Variants in SLC35F4 observed in about 807,000 individuals in gnomAD.
The protein encoded by SLC35F4 is solute carrier family 35 member F4.
In SLC35F4, 24 loss-of-function variants were observed where a neutral mutation model predicts 44.2. That is an observed-to-expected ratio of 0.54 (90% CI 0.39 to 0.76). The LOEUF is 0.76. Ranked by LOEUF, SLC35F4 falls within the 30% of genes least tolerant of loss-of-function variation. SLC35F4 has a pLI of 0.00. For synonymous variants in SLC35F4, 238 were observed against 223.6 expected, an observed-to-expected ratio of 1.06 and a Z score of -0.57; for missense variants, 562 against 586.1, an observed-to-expected ratio of 0.96 and a Z score of 0.42.
rs558765628 is a variant in SLC35F4 at position 57,797,940 on chromosome 14, T to G, written c.103+67783A>C. 3.3e-5 allele frequency among the ~76,000 whole-genome samples: 5 copies of G among 152,002 alleles called. No individual in the cohort carries two copies. In the East Asian group the frequency reaches 9.7e-4, roughly 29 times the overall value. ...ACAAAGTAGAGACATAAAATGTGCT[T>G]GTGCATTTGGGTTGCTCTCCTAACC... On this transcript the variant is annotated intron_variant, in intron 1 of 7. Transcript: ENST00000556826.
At chr14:57,782,162 T>C (rs1393272115) in intron 1 of SLC35F4, among the ~76,000 whole-genome samples, 2 of 152,180 alleles carry the variant, frequency 1.3e-5, no homozygotes, top group African/African-American at 4.8e-5. Flanking sequence ...AACAGAGTAA[T>C]CTGTAAGACA....
intron 1 of SLC35F4, among the ~76,000 whole-genome samples, chr14:57,927,251 T>G (rs965272661): frequency 2.0e-5 from 3 of 152,178 alleles, no homozygotes; most frequent in Non-Finnish European, 4.4e-5. Context: ...AATGCCTGCC[T>G]TAGGGGTAAG....
intron 1 of SLC35F4, among the ~76,000 whole-genome samples, chr14:57,611,595 A>C (rs1008351715): frequency 2.6e-5 from 4 of 151,862 alleles, no homozygotes; most frequent in African/African-American, 9.7e-5. Flanking sequence ...TAAAAAAAAA[A>C]AAACAAAAAA....
chr14:57,794,956 T>G (rs1025716387), intron 1 of SLC35F4, among the ~76,000 whole-genome samples: 2 of 152,112 alleles, frequency 1.3e-5, no homozygotes, highest in East Asian at 1.9e-4. Context: ...AAGATGGGTT[T>G]TGAATTCCTG....
chr14:57,789,729 C>T (rs767177048), intron 1 of SLC35F4, among the ~76,000 whole-genome samples: 2 of 152,082 alleles, frequency 1.3e-5, no homozygotes, highest in Non-Finnish European at 2.9e-5. Flanking sequence ...TGATGAATAT[C>T]AATGTGAAAA....
rs1004400359 is a variant in SLC35F4 at position 57,865,976 on chromosome 14, G to A, written c.-151C>T. The A allele has an allele frequency of 2.3e-6, 1 of 431,398 alleles. No individual in the cohort carries two copies. The allele number at this position is 431,398 out of a possible 1,614,324, so 26.7% of individuals were successfully genotyped here. A position where few individuals can be genotyped will look rare whatever the true frequency, so the allele number is the denominator to read the frequency against. On this transcript the variant is annotated 5_prime_UTR_variant, in exon 1 of 8. Coordinates refer to ENST00000556826, the MANE Select transcript of SLC35F4 (RefSeq NM_001306087.2). Reference sequence around the variant, plus strand: ...TGACTCCACCGCCCGGCGCAGCACCGGCTCCGCATCACAGCGGCGGCGGCG... The same window carrying A: ...TGACTCCACCGCCCGGCGCAGCACCAGCTCCGCATCACAGCGGCGGCGGCG...
At chr14:57,634,089 A>G (rs2072913574) in intron 1 of SLC35F4, among the ~76,000 whole-genome samples, 1 of 152,154 alleles carries the variant, frequency 6.6e-6, no homozygotes, top group South Asian at 2.1e-4. Context: ...CCAAGAATTT[A>G]GCAGCAACAA....
intron 1 of SLC35F4, among the ~76,000 whole-genome samples, chr14:57,747,342 G>A (rs1207161132): frequency 4.6e-5 from 7 of 152,168 alleles, no homozygotes; most frequent in African/African-American, 1.7e-4. Flanking sequence ...TATTTGCTGG[G>A]TTAGCCTACC....
At chr14:57,738,224 T>C (rs913246354) in intron 1 of SLC35F4, among the ~76,000 whole-genome samples, 21 of 152,174 alleles carry the variant, frequency 1.4e-4, no homozygotes, top group African/African-American at 4.6e-4. Flanking sequence ...TTGTTGAGTG[T>C]CTATTTATAT....
intron 1 of SLC35F4, among the ~76,000 whole-genome samples, chr14:57,946,396 TTATG>T (rs371491890): frequency 2.6e-5 from 4 of 152,074 alleles, no homozygotes; most frequent in African/African-American, 7.2e-5. Flanking sequence ...TTTCTCCACT[TTATG>T]TTTTTGTTTG....
intron 1 of SLC35F4, among the ~76,000 whole-genome samples, chr14:57,766,292 A>G (rs1276446270): frequency 6.6e-6 from 1 of 152,210 alleles, no homozygotes; most frequent in Non-Finnish European, 1.5e-5. Flanking sequence ...CTGTGGCTCT[A>G]CTTCCTTCTC....
intron 1 of SLC35F4, among the ~76,000 whole-genome samples, chr14:57,899,786 G>C (rs111575434): frequency 0.036 from 5,510 of 152,208 alleles, 340 homozygotes; most frequent in African/African-American, 0.13. Flanking sequence ...CCTGCCGGTG[G>C]GTTCGTGGTC....
chr14:57,778,864 G>T lies in SLC35F4; in HGVS notation c.103+86859C>A, dbSNP rs576077881. On this transcript the variant is annotated intron_variant, in intron 1 of 7. Coordinates refer to ENST00000556826, the MANE Select transcript of SLC35F4 (RefSeq NM_001306087.2). ...CATGGAAATTAAATAAACTGCTCCT[G>T]AATGACTTTTGGGTAAGTAATGAAA... 3.9e-5 allele frequency among the ~76,000 whole-genome samples: 6 copies of T among 152,216 alleles called. No individual in the cohort carries two copies. In the East Asian group the frequency reaches 1.2e-3, roughly 29 times the overall value.
At chr14:57,870,156 G>GTGTGTGTGTC (rs1211320834), upstream of SLC35F4, among the ~76,000 whole-genome samples, 5 of 150,970 alleles carry the variant, frequency 3.3e-5, no homozygotes, top group African/African-American at 1.2e-4. Flanking sequence ...GTGTGTGTGT[G>GTGTGTGTGTC]TCTGTGTCTC....
rs930199135 is a variant in SLC35F4 at position 57,628,838 on chromosome 14, A to C, written c.104-34714T>G. On this transcript the variant is annotated intron_variant, in intron 1 of 7. Transcript: ENST00000556826. ...AAAAAATTTTCTCTTTTAGGGACTG[A>C]AAAATTTCCCTAAAGTGATTTTCAT... is the stretch of plus-strand genomic sequence containing the variant. Among the ~76,000 whole-genome samples the C allele has an allele frequency of 3.3e-5, 5 of 152,154 alleles. No homozygotes were observed. In the East Asian group the frequency reaches 9.6e-4, roughly 29 times the overall value.
intron 1 of SLC35F4, among the ~76,000 whole-genome samples, chr14:57,776,851 T>G (rs1246200611): frequency 6.6e-6 from 1 of 151,962 alleles, no homozygotes; most frequent in Non-Finnish European, 1.5e-5. Flanking sequence ...TCTGGCCAAA[T>G]TAAGCTTTGG....
At chr14:57,896,659 A>G (rs1352140024) in intron 1 of SLC35F4, among the ~76,000 whole-genome samples, 1 of 152,204 alleles carries the variant, frequency 6.6e-6, no homozygotes, top group Non-Finnish European at 1.5e-5. Flanking sequence ...AGGTTGTGGC[A>G]GTAGAGACTA....
intron 1 of SLC35F4, among the ~76,000 whole-genome samples, chr14:57,810,144 C>T (rs1406093113): frequency 6.6e-6 from 1 of 152,170 alleles, no homozygotes; most frequent in Admixed American, 6.5e-5. Flanking sequence ...GTCACATGCC[C>T]CTCCTCCATC....
At chr14:57,793,513 G>C (rs570052504) in intron 1 of SLC35F4, among the ~76,000 whole-genome samples, 14 of 152,200 alleles carry the variant, frequency 9.2e-5, no homozygotes, top group African/African-American at 3.4e-4. Context: ...TTCTGTTCCT[G>C]AGTTACTCAG....
Sources: allele counts gnomAD v4.1 joint callset (sites outside exome capture counted in the v4.1 genomes callset), GRCh38; gene constraint gnomAD v4.1.1; transcripts MANE v1.5; gene names NCBI Gene and HGNC (gene_info 2026-07-23, HGNC 2026-07-21).